The following PDE10A variants were observed in gnomAD, a reference collection of about 807,000 sequenced individuals.
The protein encoded by PDE10A is phosphodiesterase 10A, also known as cAMP and cAMP-inhibited cGMP 3',5'-cyclic phosphodiesterase 10A.
Under a neutral mutation model 97.7 loss-of-function variants are expected in PDE10A, and 39 were observed. The observed-to-expected ratio is 0.40, with a 90% CI of 0.31 to 0.52. The LOEUF (loss-of-function observed/expected upper bound fraction) is 0.52. PDE10A is among the 20% of genes least tolerant of loss of function. The probability of loss-of-function intolerance (pLI) is 0.56; values close to 1 mark genes in which losing one functional copy is unlikely to be tolerated. For missense variants in PDE10A, 731 were observed against 1,047.8 expected, an observed-to-expected ratio of 0.70 and a Z score of 4.17; for synonymous variants, 371 against 376.8, an observed-to-expected ratio of 0.98 and a Z score of 0.18.
intron 13 of PDE10A, among the ~76,000 whole-genome samples, chr6:165,410,980 G>A (rs573874266): frequency 3.4e-5 from 3 of 88,880 alleles, no homozygotes; most frequent in African/African-American, 1.2e-4. Flanking sequence ...CCAGCTACTC[G>A]GGAGGCTGAG....
At chr6:165,760,496 T>C (rs1793224704) in intron 1 of PDE10A, among the ~76,000 whole-genome samples, 1 of 152,240 alleles carries the variant, frequency 6.6e-6, no homozygotes, top group South Asian at 2.1e-4. Flanking sequence ...CCAGATTTTC[T>C]TATTTCCTTC....
intron 1 of PDE10A, among the ~76,000 whole-genome samples, chr6:165,748,059 C>T (rs546921012): frequency 2.6e-5 from 4 of 152,264 alleles, no homozygotes; most frequent in East Asian, 3.9e-4. Context: ...AAGTCCTACA[C>T]GATCCACCAC....
intron 1 of PDE10A, among the ~76,000 whole-genome samples, chr6:165,544,052 C>T (rs564430591): frequency 6.6e-6 from 1 of 152,016 alleles, no homozygotes. Flanking sequence ...CTTATTTTTT[C>T]GGTATATAGT....
intron 1 of PDE10A, among the ~76,000 whole-genome samples, chr6:165,815,803 T>A (rs566490769): frequency 1.1e-4 from 16 of 152,162 alleles, no homozygotes; most frequent in Non-Finnish European, 2.2e-4. Flanking sequence ...CACTAGCCCA[T>A]TCTGGTCCCT....
chr6:165,368,480 A>G (rs1783975355), intron 18 of PDE10A, among the ~76,000 whole-genome samples: 1 of 152,222 alleles, frequency 6.6e-6, no homozygotes, highest in Non-Finnish European at 1.5e-5. Flanking sequence ...AATAATATCA[A>G]TTCAAAGCGG....
chr6:165,400,271 C>T (rs150377030), intron 13 of PDE10A, among the ~76,000 whole-genome samples: 2 of 151,186 alleles, frequency 1.3e-5, no homozygotes, highest in Non-Finnish European at 2.9e-5. Context: ...GTCTTAACGA[C>T]CTTAGGTTAG....
chr6:165,909,844 C>G lies in PDE10A; in HGVS notation c.-615+77685G>C, dbSNP rs538291125. ...CCCTCACTCGCTTCTCTCCTACCAC[C>G]CCAACTCCTTGCTGTTCCACCAAAC... is the stretch of plus-strand genomic sequence containing the variant. On this transcript the variant is annotated intron_variant, in intron 1 of 19. Transcript: ENST00000366882. Among the ~76,000 whole-genome samples, 20 of 152,252 alleles carry G rather than the reference C, an allele frequency of 1.3e-4. No homozygotes were observed. In the South Asian group the frequency reaches 2.1e-3, roughly 16 times the overall value.
At chr6:165,394,546 A>C (rs1449012100) in intron 15 of PDE10A, among the ~76,000 whole-genome samples, 1 of 152,154 alleles carries the variant, frequency 6.6e-6, no homozygotes, top group East Asian at 1.9e-4. Flanking sequence ...ACATGTCTTT[A>C]TAGTAGAGTG....
At chr6:165,491,347 A>G (rs924243401) in intron 2 of PDE10A, among the ~76,000 whole-genome samples, 5 of 152,210 alleles carry the variant, frequency 3.3e-5, no homozygotes, top group Admixed American at 3.3e-4. Flanking sequence ...CAAGACAGAA[A>G]GTCAACAAAG....
At chr6:165,456,620 G>A (rs866894654) in intron 3 of PDE10A, among the ~76,000 whole-genome samples, 39 of 152,206 alleles carry the variant, frequency 2.6e-4, no homozygotes, top group Non-Finnish European at 4.6e-4. Flanking sequence ...TTCATTTCAC[G>A]TCTCTGGGCT....
At chr6:165,544,574 T>TA (rs58985507) in intron 1 of PDE10A, among the ~76,000 whole-genome samples, 105 of 134,456 alleles carry the variant, frequency 7.8e-4, no homozygotes, top group East Asian at 1.2e-3. Context: ...ATGGTTAGGT[T>TA]AAAAAAAAAA....
At chr6:165,627,325 T>C (rs1213050054) in intron 1 of PDE10A, among the ~76,000 whole-genome samples, 1 of 152,218 alleles carries the variant, frequency 6.6e-6, no homozygotes, top group Non-Finnish European at 1.5e-5. Context: ...ATTCTATTAA[T>C]GATATATTTT....
intron 1 of PDE10A, among the ~76,000 whole-genome samples, chr6:165,884,421 G>A (rs1781573970): frequency 1.3e-5 from 2 of 152,294 alleles, no homozygotes; most frequent in Admixed American, 1.3e-4. Context: ...AGCAGCTGGA[G>A]GAAGGCCCTG....
intron 1 of PDE10A, among the ~76,000 whole-genome samples, chr6:165,699,974 T>TAA: frequency 6.6e-6 from 1 of 152,018 alleles, no homozygotes; most frequent in Non-Finnish European, 1.5e-5. Context: ...AAGGAAATTA[T>TAA]AGAGTGGAAA....
chr6:165,383,144 T>C (rs1785041261), intron 17 of PDE10A, among the ~76,000 whole-genome samples: 1 of 152,182 alleles, frequency 6.6e-6, no homozygotes, highest in Non-Finnish European at 1.5e-5. Flanking sequence ...AAGCAACAGA[T>C]AATTTAAGAT....
At chr6:165,932,863 AGCAGGTT>A (rs1484614182) in intron 1 of PDE10A, among the ~76,000 whole-genome samples, 1 of 152,246 alleles carries the variant, frequency 6.6e-6, no homozygotes, top group Non-Finnish European at 1.5e-5. Context: ...GCTGGTGGAT[AGCAGGTT>A]GCCCTGCTCC....
intron 1 of PDE10A, among the ~76,000 whole-genome samples, chr6:165,681,692 G>T (rs1490384689): frequency 6.6e-6 from 1 of 152,144 alleles, no homozygotes; most frequent in Non-Finnish European, 1.5e-5. Context: ...GCCTGCATTT[G>T]TAATGAAGTG....
intron 2 of PDE10A, among the ~76,000 whole-genome samples, chr6:165,484,667 T>G (rs1247238694): frequency 1.3e-5 from 2 of 152,122 alleles, no homozygotes; most frequent in Non-Finnish European, 2.9e-5. Context: ...ATATCAAAAC[T>G]CTATCAGTGA....
intron 1 of PDE10A, among the ~76,000 whole-genome samples, chr6:165,556,255 G>T (rs1784248681): frequency 6.6e-6 from 1 of 152,172 alleles, no homozygotes; most frequent in Admixed American, 6.5e-5. Context: ...TCCACAGAGT[G>T]CTGGCGGTTA....
Sources: gnomAD v4.1 joint callset for allele counts (sites outside exome capture counted in the v4.1 genomes callset) on GRCh38, gnomAD v4.1.1 for gene constraint, MANE v1.5 for transcripts, NCBI Gene and HGNC (gene_info 2026-07-23, HGNC 2026-07-21) for gene names.